Variants in RNF19B observed in about 807,000 individuals in gnomAD.
RNF19B encodes ring finger protein 19B, also known as E3 ubiquitin-protein ligase RNF19B.
RNF19B carries 23 observed loss-of-function variants against 65.5 expected under a neutral mutation model. The observed-to-expected ratio is 0.35, with a 90% CI of 0.25 to 0.50. RNF19B has a LOEUF of 0.50. RNF19B is among the 20% of genes least tolerant of loss of function. The pLI is 0.98. For missense variants in RNF19B, 794 were observed against 980.0 expected, an observed-to-expected ratio of 0.81 and a Z score of 2.53; for synonymous variants, 372 against 379.6, an observed-to-expected ratio of 0.98 and a Z score of 0.23.
At position 32,938,310 on chromosome 1, in the gene RNF19B, A is replaced by C. The variant is rs763215444; in HGVS notation, c.1742+87T>G. On this transcript the variant is annotated intron_variant, in intron 8 of 8. Coordinates refer to ENST00000235150, the MANE Select transcript of RNF19B (RefSeq NM_001300826.2). The stretch of plus-strand genomic sequence containing the variant: ...ATATATCCCAGGAGATGGTACATAC[A>C]GCCCTAACATGAGGCATTGAACTTC... 5 of 1,378,272 alleles carry C rather than the reference A, an allele frequency of 3.6e-6. No individual in the cohort carries two copies. In the Admixed American group the frequency reaches 8.4e-5, roughly 23 times the overall value. The allele number at this position is 1,378,272 out of a possible 1,614,324, so 85.4% of individuals were successfully genotyped here.
At chr1:32,942,524 C>T (rs1207211952) in intron 6 of RNF19B, 65 bp from the exon 7 acceptor site, 1 of 1,384,806 alleles carries the variant, frequency 7.2e-7, no homozygotes, top group African/African-American at 1.4e-5. Flanking sequence ...TAGGCATTTT[C>T]CTGCAATGAC....
chr1:32,964,663 T>C lies in RNF19B; in HGVS notation c.23A>G (p.Glu8Gly). ...ATGTAGCGATGTGGAGCGCGGCGAC[T>C]CGGAGTCCTTCTCGGAGCCCATGGC... is the stretch of plus-strand genomic sequence containing the variant. MGSEKDSESPRSTSLHAA... is the reference protein window; with the variant it reads MGSEKDSGSPRSTSLHAA... Residue 8 changes from glutamate (E) to glycine (G), a missense_variant, in exon 1 of 9, where the codon GAG becomes GGG. Physicochemically the swap from Glu to Gly is moderately conservative, Grantham distance 98. Around this residue, in one of 3 missense-constraint regions of RNF19B, gnomAD observed 374 missense variants for 423.8 expected, o/e 0.88. Transcript: ENST00000235150. This position sits in a 1 kb window ranked among gnomAD's most constrained non-coding sequence, Gnocchi z 6.5. 1.4e-6 allele frequency: 2 copies of C among 1,471,606 alleles called. No individual in the cohort carries two copies. Among genetic ancestry groups the C allele is most frequent in the Non-Finnish European group, 1.8e-6 (2 of 1,115,548 alleles). The allele number at this position is 1,471,606 out of a possible 1,614,324, so 91.2% of individuals were successfully genotyped here. A position where few individuals can be genotyped will look rare whatever the true frequency, so the allele number is the denominator to read the frequency against.
At chr1:32,939,675 A>G (rs964654614) in intron 7 of RNF19B, among the ~76,000 whole-genome samples, 1 of 152,238 alleles carries the variant, frequency 6.6e-6, no homozygotes, top group Admixed American at 6.5e-5. Context: ...AACTTTCCCA[A>G]TAGTGTCTCA....
At chr1:32,962,396 C>G (rs938743173) in intron 1 of RNF19B, among the ~76,000 whole-genome samples, 1 of 152,200 alleles carries the variant, frequency 6.6e-6, no homozygotes, top group South Asian at 2.1e-4. Flanking sequence ...CTAAAAGGTC[C>G]TTCCTGATAC....
intron 1 of RNF19B, among the ~76,000 whole-genome samples, chr1:32,963,346 T>C (rs1475650578): frequency 6.6e-6 from 1 of 152,094 alleles, no homozygotes; most frequent in Non-Finnish European, 1.5e-5. Flanking sequence ...GACACACCCC[T>C]CCGACGCGCT....
In RNF19B at chr1:32,964,439, C is replaced by A; in HGVS notation, c.247G>T (p.Glu83Ter). The A allele has an allele frequency of 9.0e-7, 1 of 1,113,922 alleles. No individual in the cohort carries two copies. The highest frequency in any genetic ancestry group is 4.4e-5 in the South Asian group (1 of 22,972). The allele number at this position is 1,113,922 out of a possible 1,614,324, so 69.0% of individuals were successfully genotyped here. ...TCCGCCTCGGCCTCGGCGGCCGGCT[C>A]GGCGGGCAGCGCCTCGGGCGGCGGG... ...QGPPPEALPA[E>*]PAAEAEAEAA... The change falls in exon 1 of 9, where the codon GAG (glutamate) becomes TAG (stop). Residue 83 changes from glutamate (E) to a stop codon, truncating the protein, a stop_gained. Transcript: ENST00000235150. LOFTEE classifies it high-confidence loss of function. The surrounding 1 kb of genome is among the most constrained non-coding windows in gnomAD (Gnocchi z 6.5).
Position 32,948,263 on chromosome 1 carries a change from A to G in RNF19B, c.942T>C (p.Cys314=). The G allele has an allele frequency of 6.2e-7, 1 of 1,614,146 alleles. No homozygotes were observed. Among genetic ancestry groups the G allele is most frequent in the Non-Finnish European group, 8.5e-7 (1 of 1,180,004 alleles). The change falls in exon 3 of 9, where the codon TGT becomes TGC. Residue 314 remains cysteine, a synonymous_variant. Coordinates refer to ENST00000235150, the MANE Select transcript of RNF19B (RefSeq NM_001300826.2). The part of the protein sequence containing the change: ...MTCAVCGCEF[C]WLCMKEISDL... ...CTGAGATCTCTTTCATACAAAGCCA[A>G]CAGAATTCACAGCCACACACTGCAC...
chr1:32,942,247 T>C lies in RNF19B; in HGVS notation c.1610+5A>G. ...ATTTCTGTCAGAAATTATCTATTTG[T>C]TTACCTGCTATATTTTCCCTTGCCA... On this transcript the variant is annotated splice_donor_5th_base_variant and intron_variant, in intron 7 of 8. Transcript: ENST00000235150. The C allele has an allele frequency of 6.3e-7, 1 of 1,597,734 alleles. No individual in the cohort carries two copies.
rs770120592 is a variant in RNF19B, at chr1:32,936,789, G to A, written c.*17C>T. 3.3e-6 allele frequency: 5 copies of A among 1,527,420 alleles called. No homozygotes were observed. In the Admixed American group the frequency reaches 1.0e-4, roughly 32 times the overall value. 94.6% of individuals were successfully genotyped at this position (1,527,420 alleles called of 1,614,324 possible). A position where few individuals can be genotyped will look rare whatever the true frequency, so the allele number is the denominator to read the frequency against. On this transcript the variant is annotated 3_prime_UTR_variant, in exon 9 of 9. Transcript: ENST00000235150. ...AGTTACAAGTGTGCTTCTCAGAACA[G>A]GAGCATTCATTCCACTTCATACTCT...
At chr1:32,954,603 G>C (rs1642589580) in intron 1 of RNF19B, among the ~76,000 whole-genome samples, 2 of 151,912 alleles carry the variant, frequency 1.3e-5, no homozygotes, top group African/African-American at 2.4e-5. Context: ...GCCAGGCATG[G>C]TGGCGCATGC....
intron 1 of RNF19B, among the ~76,000 whole-genome samples, chr1:32,951,663 T>C (rs1642502410): frequency 6.6e-6 from 1 of 152,216 alleles, no homozygotes; most frequent in Admixed American, 6.5e-5. Context: ...GCTCATCTTA[T>C]CTTTCCATAC....
intron 1 of RNF19B, among the ~76,000 whole-genome samples, chr1:32,953,788 C>G (rs1361718665): frequency 1.3e-5 from 2 of 151,660 alleles, no homozygotes; most frequent in Admixed American, 6.6e-5. Context: ...AAGTCAACTT[C>G]TAAAGATACA....
rs76319020 is a variant in RNF19B at position 32,940,785 on chromosome 1, T to G, written c.1610+1467A>C. 3.0e-3 allele frequency among the ~76,000 whole-genome samples: 464 copies of G among 152,344 alleles called. 1 individual carries two copies. The highest frequency in any genetic ancestry group is 5.2e-3 in the Non-Finnish European group (356 of 68,032). On this transcript the variant is annotated intron_variant, in intron 7 of 8. Coordinates refer to ENST00000235150, the MANE Select transcript of RNF19B (RefSeq NM_001300826.2). Reference sequence around the variant, plus strand: ...AACATGTTATGCTCCTCTGAAAATATACACTCTGGTCTGCCTAACTAGTGA... The same window carrying G: ...AACATGTTATGCTCCTCTGAAAATAGACACTCTGGTCTGCCTAACTAGTGA...
chr1:32,949,799 A>G lies in RNF19B; in HGVS notation c.636-25T>C, dbSNP rs116421834. ...ACTAGGTAAGGAAACAGTAAGAGAT[A>G]CCAGTAAGGTAAGAATGATCTAACC... On this transcript the variant is annotated intron_variant, in intron 1 of 8. Coordinates refer to ENST00000235150, the MANE Select transcript of RNF19B (RefSeq NM_001300826.2). 7.6e-4 allele frequency: 1,197 copies of G among 1,570,724 alleles called. 11 individuals carry two copies. In the African/African-American group the frequency reaches 0.015, roughly 20 times the overall value.
At chr1:32,958,895 GAGAC>G (rs1642706292) in intron 1 of RNF19B, among the ~76,000 whole-genome samples, 1 of 152,152 alleles carries the variant, frequency 6.6e-6, no homozygotes, top group African/African-American at 2.4e-5. Flanking sequence ...TGGCAAATCT[GAGAC>G]AGATGTATTG....
intron 1 of RNF19B, 42 bp from the exon 2 acceptor site, chr1:32,949,816 G>A (rs1444621344): frequency 6.8e-7 from 1 of 1,471,304 alleles, no homozygotes; most frequent in Admixed American, 1.7e-5. Context: ...AGGTAAGAAT[G>A]ATCTAACCAA....
chr1:32,959,172 C>T (rs1396027125), intron 1 of RNF19B, among the ~76,000 whole-genome samples: 1 of 152,150 alleles, frequency 6.6e-6, no homozygotes, highest in African/African-American at 2.4e-5. Context: ...AGGCCAATAG[C>T]TGATACTGTT....
chr1:32,958,718 TAAA>T (rs746169988), intron 1 of RNF19B, among the ~76,000 whole-genome samples: 3 of 132,496 alleles, frequency 2.3e-5, no homozygotes, highest in Non-Finnish European at 3.3e-5. Context: ...AGACTCCATC[TAAA>T]AAAAAAAAAA....
intron 8 of RNF19B, 148 bp downstream of exon 8, chr1:32,938,249 C>A: frequency 2.7e-6 from 2 of 741,990 alleles, no homozygotes; most frequent in Non-Finnish European, 4.5e-6. Flanking sequence ...CACTCAAGTA[C>A]CAAGAACTTG....
Sources: allele counts gnomAD v4.1 joint callset (sites outside exome capture counted in the v4.1 genomes callset), GRCh38; gene constraint gnomAD v4.1.1; regional missense constraint gnomAD v4.1.1; non-coding constraint Gnocchi (gnomAD v3.1); transcripts MANE v1.5; gene names NCBI Gene and HGNC (gene_info 2026-07-23, HGNC 2026-07-21).